Variants in C1GALT1 observed in about 807,000 individuals in gnomAD.
C1GALT1 encodes the protein glycoprotein-N-acetylgalactosamine 3-beta-galactosyltransferase 1.
Under a neutral mutation model 31.0 loss-of-function variants are expected in C1GALT1, and 11 were observed. The observed-to-expected ratio is 0.36, with a 90% CI of 0.22 to 0.59. The LOEUF is 0.59. Among genes scored for constraint, C1GALT1 ranks in the 20% least tolerant of loss-of-function variants. C1GALT1 has a pLI of 0.79. For synonymous variants in C1GALT1, 175 were observed against 143.6 expected, an observed-to-expected ratio of 1.22 and a Z score of -1.56; for missense variants, 424 against 425.2, an observed-to-expected ratio of 1.00 and a Z score of 0.03.
intron 1 of C1GALT1, among the ~76,000 whole-genome samples, chr7:7,213,205 G>C (rs867966163): frequency 5.3e-5 from 8 of 152,084 alleles, no homozygotes; most frequent in Non-Finnish European, 8.8e-5. Flanking sequence ...TGCAGTTAAA[G>C]TCCTTAATAT....
Position 7,243,856 on chromosome 7 carries a change from C to T in C1GALT1, c.*129C>T. 1.5e-6 allele frequency: 1 copy of T among 649,904 alleles called. No homozygotes were observed. Among genetic ancestry groups the T allele is most frequent in the Non-Finnish European group, 2.5e-6 (1 of 395,038 alleles). The allele number at this position is 649,904 out of a possible 1,614,324, so 40.3% of individuals were successfully genotyped here. On this transcript the variant is annotated 3_prime_UTR_variant, in exon 4 of 4. Transcript: ENST00000436587. Reference sequence around the variant, plus strand: ...GTGAACATTCCTTATAGAAACCTTTCACATGAATGACTATAAACTGAAGCT... The same window carrying T: ...GTGAACATTCCTTATAGAAACCTTTTACATGAATGACTATAAACTGAAGCT...
chr7:7,179,602 T>TTATTATGTCAAC (rs1780546915), upstream of C1GALT1, among the ~76,000 whole-genome samples: 1 of 152,194 alleles, frequency 6.6e-6, no homozygotes, highest in Non-Finnish European at 1.5e-5. Flanking sequence ...TTGGCCTATC[T>TTATTATGTCAAC]TATTATGTCA....
chr7:7,207,046 C>G (rs1781769343), intron 1 of C1GALT1, among the ~76,000 whole-genome samples: 1 of 151,866 alleles, frequency 6.6e-6, no homozygotes, highest in African/African-American at 2.4e-5. Flanking sequence ...AACATTTTTT[C>G]TCTCTCCATT....
At chr7:7,171,461 T>C (rs1216645964) in intron 2 of C1GALT1, among the ~76,000 whole-genome samples, 1 of 152,164 alleles carries the variant, frequency 6.6e-6, no homozygotes, top group Non-Finnish European at 1.5e-5. Flanking sequence ...TGTAATATCT[T>C]TTCCATTCTT....
chr7:7,174,267 C>T (rs1248573252), intron 2 of C1GALT1, among the ~76,000 whole-genome samples: 1 of 152,160 alleles, frequency 6.6e-6, no homozygotes, highest in Non-Finnish European at 1.5e-5. Context: ...CTGAAGGGTA[C>T]ATAAAAGCGC....
At chr7:7,193,962 T>G (rs2347889) in intron 1 of C1GALT1, among the ~76,000 whole-genome samples, 23,530 of 151,902 alleles carry the variant, frequency 0.15, 2,110 homozygotes, top group East Asian at 0.37. Context: ...AGTTCTTGAT[T>G]TGATTTGCAG....
At chr7:7,211,669 C>G (rs1782010308) in intron 1 of C1GALT1, among the ~76,000 whole-genome samples, 1 of 152,120 alleles carries the variant, frequency 6.6e-6, no homozygotes, top group Non-Finnish European at 1.5e-5. Flanking sequence ...CTTTGGTGGT[C>G]TATGAAGCTT....
At chr7:7,208,345 C>T (rs993793765) in intron 1 of C1GALT1, among the ~76,000 whole-genome samples, 2 of 151,950 alleles carry the variant, frequency 1.3e-5, no homozygotes, top group South Asian at 4.1e-4. Flanking sequence ...ACAAATTAGA[C>T]TTTCTCATAG....
At chr7:7,242,210 CTTTTT>C (rs79025784) in intron 3 of C1GALT1, among the ~76,000 whole-genome samples, 5 of 132,286 alleles carry the variant, frequency 3.8e-5, no homozygotes, top group Admixed American at 7.4e-5. Flanking sequence ...TGAAATTTCA[CTTTTT>C]TTTTTTTTTT....
In C1GALT1 at chr7:7,232,620, G is replaced by C. The variant is rs573045556; in HGVS notation, c.-17-1683G>C. On this transcript the variant is annotated intron_variant, in intron 1 of 3. Coordinates refer to ENST00000436587, the MANE Select transcript of C1GALT1 (RefSeq NM_020156.5). ...TTCTTTTGCCTCAGTCTCCCAGGTA[G>C]CTGGGATTACAGGCACGTACCACAA... 7.9e-5 allele frequency among the ~76,000 whole-genome samples: 12 copies of C among 152,114 alleles called. No homozygotes were observed. In the East Asian group the frequency reaches 2.3e-3, roughly 29 times the overall value.
upstream of C1GALT1, among the ~76,000 whole-genome samples, chr7:7,178,499 A>G (rs1325983643): frequency 6.6e-6 from 1 of 152,172 alleles, no homozygotes; most frequent in Admixed American, 6.5e-5. Flanking sequence ...AAAAAATTAA[A>G]AAAAATTGAT....
intron 2 of C1GALT1, among the ~76,000 whole-genome samples, chr7:7,168,692 A>G (rs910202324): frequency 2.0e-5 from 3 of 152,234 alleles, no homozygotes; most frequent in Non-Finnish European, 2.9e-5. Context: ...GGTATTTTTA[A>G]AAAGACAACT....
At position 7,247,545 on chromosome 7, in the gene C1GALT1, A is replaced by T. The variant is rs1329458899; in HGVS notation, c.*3818A>T. 1 of 152,080 alleles carries T rather than the reference A, an allele frequency of 6.6e-6. No homozygotes were observed. Among genetic ancestry groups the T allele is most frequent in the South Asian group, 2.1e-4 (1 of 4,834 alleles). 9.4% of individuals were successfully genotyped at this position (152,080 alleles called of 1,614,324 possible). A position where few individuals can be genotyped will look rare whatever the true frequency, so the allele number is the denominator to read the frequency against. ...AAATTTGCTAACTGGTTATTTTCAC[A>T]ATTTTCTTGAATATTAATTTTTCAC... On this transcript the variant is annotated 3_prime_UTR_variant, in exon 4 of 4. Transcript: ENST00000436587.
chr7:7,202,521 A>G (rs1781566623), intron 1 of C1GALT1, among the ~76,000 whole-genome samples: 1 of 152,100 alleles, frequency 6.6e-6, no homozygotes, highest in Non-Finnish European at 1.5e-5. Flanking sequence ...CTTCCCAAAA[A>G]TCCTTTGACC....
chr7:7,197,021 T>C (rs900326675), intron 1 of C1GALT1, among the ~76,000 whole-genome samples: 1 of 152,252 alleles, frequency 6.6e-6, no homozygotes, highest in Admixed American at 6.5e-5. Flanking sequence ...TAGTTTCTTT[T>C]GCTGTGCAGA....
chr7:7,196,241 G>A (rs540614818), intron 1 of C1GALT1, among the ~76,000 whole-genome samples: 2 of 132,900 alleles, frequency 1.5e-5, no homozygotes, highest in South Asian at 4.8e-4. Context: ...AGGCCCCAGT[G>A]TGTGATGTTC....
intron 1 of C1GALT1, among the ~76,000 whole-genome samples, chr7:7,194,345 C>T (rs1254487101): frequency 6.6e-6 from 1 of 152,024 alleles, no homozygotes; most frequent in Non-Finnish European, 1.5e-5. Context: ...TAAGGCATCT[C>T]CTTTCTATGC....
At chr7:7,236,315 C>A (rs900279360) in intron 2 of C1GALT1, among the ~76,000 whole-genome samples, 1 of 152,146 alleles carries the variant, frequency 6.6e-6, no homozygotes, top group African/African-American at 2.4e-5. Context: ...CAGCGGTGGA[C>A]AAACCTGTCT....
At chr7:7,201,253 A>G (rs2128235705) in intron 1 of C1GALT1, among the ~76,000 whole-genome samples, 1 of 152,122 alleles carries the variant, frequency 6.6e-6, no homozygotes, top group South Asian at 2.1e-4. Flanking sequence ...GGTCTGTTGG[A>G]GTTTGCTGGA....
Sources: gnomAD v4.1 joint callset for allele counts (sites outside exome capture counted in the v4.1 genomes callset) on GRCh38, gnomAD v4.1.1 for gene constraint, MANE v1.5 for transcripts, NCBI Gene and HGNC (gene_info 2026-07-23, HGNC 2026-07-21) for gene names.